SYNE2: variants seen among roughly 807,000 people sequenced by gnomAD.
SYNE2 encodes nesprin-2.
In SYNE2, 431 loss-of-function variants were observed where a neutral mutation model predicts 856.3. That is an observed-to-expected ratio of 0.50 (90% confidence interval 0.47 to 0.55). The LOEUF (loss-of-function observed/expected upper bound fraction) is 0.55. SYNE2 is among the 20% of genes least tolerant of loss of function. The pLI is 0.00. For missense variants in SYNE2, 8,129 were observed against 8,023.2 expected, an observed-to-expected ratio of 1.01 and a Z score of -0.50; for synonymous variants, 2,923 against 2,872.3, an observed-to-expected ratio of 1.02 and a Z score of -0.56.
intron 45 of SYNE2, among the ~76,000 whole-genome samples, chr14:64,036,199 T>TAA (rs61627778): frequency 0.026 from 3,733 of 143,972 alleles, 73 homozygotes; most frequent in Admixed American, 0.065. Flanking sequence ...CTTTTTTACT[T>TAA]AAAAAAAAAA....
At chr14:64,038,304 C>T (rs575298380) in intron 45 of SYNE2, among the ~76,000 whole-genome samples, 1 of 152,098 alleles carries the variant, frequency 6.6e-6, no homozygotes, top group Non-Finnish European at 1.5e-5. Flanking sequence ...AAGAGGCGCT[C>T]CTCACTTCCT....
At chr14:64,219,540 C>G (rs910864364) in intron 110 of SYNE2, 130 bp downstream of exon 110, 13 of 901,782 alleles carry the variant, frequency 1.4e-5, no homozygotes, top group African/African-American at 1.2e-4. Flanking sequence ...AGAGGTCACT[C>G]TCTTCCATTT....
At chr14:63,772,107 C>G (rs561060077) in intron 1 of SYNE2, among the ~76,000 whole-genome samples, 1 of 152,032 alleles carries the variant, frequency 6.6e-6, no homozygotes. Flanking sequence ...AATCCCAGCA[C>G]TTTGGGAGGC....
At chr14:63,799,672 G>A (rs538921859) in intron 1 of SYNE2, among the ~76,000 whole-genome samples, 6 of 152,248 alleles carry the variant, frequency 3.9e-5, no homozygotes, top group East Asian at 1.9e-4. Context: ...CAGCCTGGGC[G>A]ACAGAGAGAG....
intron 1 of SYNE2, among the ~76,000 whole-genome samples, chr14:63,887,362 A>G (rs1251965293): frequency 4.6e-5 from 7 of 152,250 alleles, no homozygotes; most frequent in African/African-American, 7.2e-5. Context: ...GTTTTTCAAT[A>G]CTAAAGAGAA....
chr14:64,139,375 GAAAT>G (rs2098122544), intron 79 of SYNE2, among the ~76,000 whole-genome samples: 3 of 130,958 alleles, frequency 2.3e-5, no homozygotes, highest in Non-Finnish European at 3.0e-5. Flanking sequence ...GCTGTAATAA[GAAAT>G]AAAGAATGCT....
At chr14:63,926,464 T>C (rs1276547613) in intron 2 of SYNE2, among the ~76,000 whole-genome samples, 1 of 152,166 alleles carries the variant, frequency 6.6e-6, no homozygotes, top group East Asian at 1.9e-4. Context: ...GTAGTAAATA[T>C]TTCAGTCTGT....
rs539447091 is a variant in SYNE2, at chr14:64,124,582, A to T, written c.13423-497A>T. ...AAGTATCTAAATATAACTAGTCATGACTTTTCAAAGCTGTCCAAAATATTA... is the reference window on the plus strand; with the variant it reads ...AAGTATCTAAATATAACTAGTCATGTCTTTTCAAAGCTGTCCAAAATATTA... On this transcript the variant is annotated intron_variant, in intron 70 of 115. Coordinates refer to ENST00000555002, the MANE Select transcript of SYNE2 (RefSeq NM_182914.3). Among the ~76,000 whole-genome samples the T allele has an allele frequency of 1.8e-4, 27 of 152,214 alleles. 1 individual carries two copies. In the South Asian group the frequency reaches 5.2e-3, roughly 29 times the overall value.
intron 30 of SYNE2, among the ~76,000 whole-genome samples, chr14:64,003,552 A>G (rs921731118): frequency 6.6e-6 from 1 of 152,174 alleles, no homozygotes; most frequent in Non-Finnish European, 1.5e-5. Flanking sequence ...TTTAAAGTGT[A>G]TCTTATGGAT....
chr14:63,845,485 C>A (rs1359523239), intron 1 of SYNE2, among the ~76,000 whole-genome samples: 2 of 150,064 alleles, frequency 1.3e-5, no homozygotes, highest in African/African-American at 2.4e-5. Flanking sequence ...GGCTATACTT[C>A]TCTTATTTTT....
chr14:63,870,005 A>T (rs531438338), intron 1 of SYNE2, among the ~76,000 whole-genome samples: 1 of 152,248 alleles, frequency 6.6e-6, no homozygotes, highest in South Asian at 2.1e-4. Context: ...CATCCTTGTA[A>T]TTGGACTCCT....
At chr14:63,981,283 T>G (rs2096583532) in intron 16 of SYNE2, 110 bp downstream of exon 16, 1 of 996,644 alleles carries the variant, frequency 1.0e-6, no homozygotes, top group Admixed American at 2.1e-5. Flanking sequence ...CACCAGTGTT[T>G]TGGAAAATTC....
At chr14:63,910,530 T>C (rs1171386454) in intron 2 of SYNE2, among the ~76,000 whole-genome samples, 1 of 152,244 alleles carries the variant, frequency 6.6e-6, no homozygotes, top group African/African-American at 2.4e-5. Context: ...TATTCAGATG[T>C]AGATGGAATC....
chr14:63,779,668 T>G (rs1299280595), intron 1 of SYNE2, among the ~76,000 whole-genome samples: 1 of 152,000 alleles, frequency 6.6e-6, no homozygotes, highest in Non-Finnish European at 1.5e-5. Flanking sequence ...TACCAGCACT[T>G]TGGGAGGCTA....
intron 57 of SYNE2, among the ~76,000 whole-genome samples, chr14:64,086,630 A>G (rs920603994): frequency 5.3e-5 from 8 of 151,750 alleles, no homozygotes; most frequent in Middle Eastern, 3.2e-3. Flanking sequence ...ATCCAGGAAC[A>G]TGGTATATCT....
chr14:64,011,294 A>C (rs1253851209), intron 32 of SYNE2, among the ~76,000 whole-genome samples: 1 of 152,190 alleles, frequency 6.6e-6, no homozygotes, highest in Non-Finnish European at 1.5e-5. Flanking sequence ...AGTTGTCAAG[A>C]CCATGAGCAG....
At chr14:64,068,846 A>C (rs1367050693) in intron 51 of SYNE2, among the ~76,000 whole-genome samples, 1 of 139,836 alleles carries the variant, frequency 7.2e-6, no homozygotes, top group Non-Finnish European at 1.5e-5. Context: ...TGGGTGACAG[A>C]GAGAGACTCC....
chr14:63,774,340 G>A (rs1469394695), intron 1 of SYNE2, among the ~76,000 whole-genome samples: 1 of 151,800 alleles, frequency 6.6e-6, no homozygotes. Flanking sequence ...GTAGTTGTGG[G>A]CGACTGTAAT....
chr14:64,100,833 A>G (rs1168018552), intron 63 of SYNE2, among the ~76,000 whole-genome samples: 2 of 150,788 alleles, frequency 1.3e-5, no homozygotes, highest in Non-Finnish European at 3.0e-5. Context: ...GTCGCTGGTA[A>G]CCATTGTTTT....
Sources: gnomAD v4.1 joint callset for allele counts (sites outside exome capture counted in the v4.1 genomes callset) on GRCh38, gnomAD v4.1.1 for gene constraint, MANE v1.5 for transcripts, NCBI Gene and HGNC (gene_info 2026-07-23, HGNC 2026-07-21) for gene names.